The following MTA3 variants were observed in gnomAD, a reference collection of about 807,000 sequenced individuals.
MTA3 encodes the protein metastasis-associated protein MTA3.
MTA3 carries 34 observed loss-of-function variants against 83.5 expected under a neutral mutation model. The ratio of observed to expected loss-of-function variants is 0.41; its 90% confidence interval spans 0.31 to 0.54. The LOEUF (loss-of-function observed/expected upper bound fraction) is 0.54. Ranked by LOEUF, MTA3 falls within the 20% of genes least tolerant of loss-of-function variation. The probability of loss-of-function intolerance (pLI) is 0.33; values close to 1 mark genes in which losing one functional copy is unlikely to be tolerated. For missense variants in MTA3, 761 were observed against 726.4 expected (o/e 1.05, Z -0.55); for synonymous variants, 303 against 252.7 (o/e 1.20, Z -1.89).
Position 42,682,576 on chromosome 2 carries a change from T to A in MTA3, c.878T>A (p.Ile293Lys). 1 of 1,610,416 alleles carries A rather than the reference T, an allele frequency of 6.2e-7. No homozygotes were observed. The highest frequency in any genetic ancestry group is 8.5e-7 in the Non-Finnish European group (1 of 1,178,332). ...LEKYGKDFND[I>K]RQDFLPWKSL... ...AAATATGGCAAAGACTTCAATGACA[T>A]ACGGCAAGATTTTGTAAGTAGAAAA... The change falls in exon 9 of 17, where the codon ATA becomes AAA. Residue 293 changes from isoleucine to lysine, a missense_variant. By Grantham distance (102) the Ile-to-Lys change is moderately radical. Coordinates refer to ENST00000405094, the MANE Select transcript of MTA3 (RefSeq NM_001330442.2).
chr2:42,539,540 G>C (rs568559392), intron 2 of MTA3, among the ~76,000 whole-genome samples: 14 of 151,730 alleles, frequency 9.2e-5, no homozygotes, highest in Non-Finnish European at 2.1e-4. Flanking sequence ...GATGAGATTT[G>C]GGTGGGGACA....
At chr2:42,658,811 A>G (rs1231068813) in intron 7 of MTA3, among the ~76,000 whole-genome samples, 2 of 152,064 alleles carry the variant, frequency 1.3e-5, no homozygotes, top group East Asian at 1.9e-4. Flanking sequence ...ACAATGGCTC[A>G]TGCCTATAAT....
intron 14 of MTA3, among the ~76,000 whole-genome samples, chr2:42,712,483 C>T (rs1666708910): frequency 6.6e-6 from 1 of 151,952 alleles, no homozygotes. Context: ...GATGGGGCCT[C>T]ACTATGAAAA....
intron 4 of MTA3, among the ~76,000 whole-genome samples, chr2:42,617,943 A>T (rs1221091172): frequency 4.0e-5 from 6 of 149,798 alleles, no homozygotes; most frequent in Admixed American, 2.0e-4. Context: ...TCTTTTTTTA[A>T]AAAAAAAAAA....
In MTA3 at chr2:42,755,705, T is replaced by C. The variant is rs1670193918; in HGVS notation, c.*2306T>C. The C allele has an allele frequency of 1.0e-6, 1 of 985,114 alleles. No individual in the cohort carries two copies. The highest frequency in any genetic ancestry group is 1.2e-6 in the Non-Finnish European group (1 of 829,984). The allele number at this position is 985,114 out of a possible 1,614,324, so 61.0% of individuals were successfully genotyped here. On this transcript the variant is annotated 3_prime_UTR_variant, in exon 17 of 17. Coordinates refer to ENST00000405094, the MANE Select transcript of MTA3 (RefSeq NM_001330442.2). The stretch of plus-strand genomic sequence containing the variant: ...TTGGAAGCATTTGGTGCTGAGAGGG[T>C]TTCCCAGCCACCCGCTCCCTTTCTG...
At chr2:42,722,235 G>T (rs1284154171) in intron 15 of MTA3, among the ~76,000 whole-genome samples, 1 of 152,138 alleles carries the variant, frequency 6.6e-6, no homozygotes, top group Non-Finnish European at 1.5e-5. Flanking sequence ...GTAGTTCTGG[G>T]CTGTATGGCT....
chr2:42,529,529 C>T (rs943075362), intron 2 of MTA3, among the ~76,000 whole-genome samples: 1 of 152,178 alleles, frequency 6.6e-6, no homozygotes, highest in Non-Finnish European at 1.5e-5. Flanking sequence ...GTTTTTATTT[C>T]CAATCTAAGG....
chr2:42,510,253 G>C (rs1024565913), intron 2 of MTA3, among the ~76,000 whole-genome samples: 5 of 151,226 alleles, frequency 3.3e-5, no homozygotes, highest in Non-Finnish European at 7.4e-5. Flanking sequence ...TTGAACCCAG[G>C]AGGCGGAGGT....
chr2:42,684,063 C>T (rs911256050), intron 9 of MTA3, among the ~76,000 whole-genome samples: 13 of 152,150 alleles, frequency 8.5e-5, no homozygotes, highest in African/African-American at 2.9e-4. Context: ...TTCATCACCT[C>T]ACTTACTTAC....
chr2:42,582,437 A>G (rs1679774950), intron 3 of MTA3, among the ~76,000 whole-genome samples: 1 of 152,198 alleles, frequency 6.6e-6, no homozygotes, highest in Admixed American at 6.5e-5. Flanking sequence ...ACTTTAATAC[A>G]TTAAATTTAT....
intron 8 of MTA3, among the ~76,000 whole-genome samples, chr2:42,677,254 C>CG (rs1246300271): frequency 6.6e-6 from 1 of 152,192 alleles, no homozygotes; most frequent in East Asian, 1.9e-4. Context: ...GAGGGACCAC[C>CG]GGGGGAGATA....
At chr2:42,647,606 C>T (rs918464437) in intron 6 of MTA3, among the ~76,000 whole-genome samples, 3 of 147,142 alleles carry the variant, frequency 2.0e-5, no homozygotes, top group Non-Finnish European at 4.5e-5. Context: ...TTCCTTTCTT[C>T]AAGGCTACTT....
At chr2:42,610,889 C>G (rs1055137039) in intron 4 of MTA3, among the ~76,000 whole-genome samples, 3 of 151,818 alleles carry the variant, frequency 2.0e-5, no homozygotes, top group Non-Finnish European at 4.4e-5. Context: ...TGTTCATAAT[C>G]TGTATTTCTA....
At chr2:42,632,428 G>A (rs2104262371) in intron 4 of MTA3, among the ~76,000 whole-genome samples, 1 of 152,210 alleles carries the variant, frequency 6.6e-6, no homozygotes, top group East Asian at 1.9e-4. Context: ...ATCCCCACAA[G>A]TACTGTACTC....
intron 14 of MTA3, 144 bp downstream of exon 14, chr2:42,709,240 A>T (rs1359783761): frequency 7.0e-7 from 1 of 1,437,788 alleles, no homozygotes; most frequent in African/African-American, 1.5e-5. Flanking sequence ...ATTTTTTAAC[A>T]TTGTTTTTGT....
chr2:42,547,707 C>A (rs897500928), intron 2 of MTA3, among the ~76,000 whole-genome samples: 1 of 152,128 alleles, frequency 6.6e-6, no homozygotes, highest in African/African-American at 2.4e-5. Context: ...TTGTTACAGG[C>A]GCATACTCCT....
intron 2 of MTA3, among the ~76,000 whole-genome samples, chr2:42,520,254 T>C (rs1558410751): frequency 6.6e-6 from 1 of 152,196 alleles, no homozygotes; most frequent in Non-Finnish European, 1.5e-5. Context: ...CCTGCACCTG[T>C]AGGCCCTCTT....
At chr2:42,691,513 T>C (rs1692899266) in intron 9 of MTA3, among the ~76,000 whole-genome samples, 1 of 152,232 alleles carries the variant, frequency 6.6e-6, no homozygotes. Flanking sequence ...TATTAGTTCA[T>C]CATTTAGGCT....
At position 42,732,399 on chromosome 2, in the gene MTA3, C is replaced by G. The variant is rs184190695; in HGVS notation, c.1759+9364C>G. On this transcript the variant is annotated intron_variant, in intron 16 of 16. Coordinates refer to ENST00000405094, the MANE Select transcript of MTA3 (RefSeq NM_001330442.2). ...CCACGGCCTAAGCTCTACATTTGCCCCTTTCAGCCACAGCTGGAGCAGCTG... is the reference window on the plus strand; with the variant it reads ...CCACGGCCTAAGCTCTACATTTGCCGCTTTCAGCCACAGCTGGAGCAGCTG... Among the ~76,000 whole-genome samples, 380 of 152,348 alleles carry G rather than the reference C, an allele frequency of 2.5e-3. 4 individuals are homozygous for G. Among genetic ancestry groups the G allele is most frequent in the Non-Finnish European group, 1.9e-3 (132 of 68,028 alleles).
Sources: allele counts gnomAD v4.1 joint callset (sites outside exome capture counted in the v4.1 genomes callset), GRCh38; gene constraint gnomAD v4.1.1; transcripts MANE v1.5; gene names NCBI Gene and HGNC (gene_info 2026-07-23, HGNC 2026-07-21).